Variants in EPHA6 observed in about 807,000 individuals in gnomAD.
EPHA6 encodes the protein ephrin type-A receptor 6.
EPHA6 carries 50 observed loss-of-function variants against 112.0 expected under a neutral mutation model. That is an observed-to-expected ratio of 0.45 (90% CI 0.36 to 0.56). The LOEUF (loss-of-function observed/expected upper bound fraction) is 0.56. Ranked by LOEUF, EPHA6 falls within the 20% of genes least tolerant of loss-of-function variation. The probability of loss-of-function intolerance (pLI) is 0.00; values close to 1 mark genes in which losing one functional copy is unlikely to be tolerated. For missense variants in EPHA6, 1,280 were observed against 1,417.4 expected, an observed-to-expected ratio of 0.90 and a Z score of 1.56; for synonymous variants, 529 against 490.7, an observed-to-expected ratio of 1.08 and a Z score of -1.03.
intron 14 of EPHA6, among the ~76,000 whole-genome samples, chr3:97,664,527 G>A (rs13094475): frequency 0.35 from 53,868 of 151,768 alleles, 9,736 homozygotes; most frequent in African/African-American, 0.42. Context: ...GAGGAAGTCA[G>A]ATTGTCCCTG....
intron 3 of EPHA6, among the ~76,000 whole-genome samples, chr3:97,059,837 G>A (rs2045962878): frequency 6.6e-6 from 1 of 151,870 alleles, no homozygotes; most frequent in Admixed American, 6.6e-5. Flanking sequence ...AGAGCTAATG[G>A]CTGGGCGCAG....
At chr3:96,817,198 ATTAC>A (rs538135096) in intron 1 of EPHA6, among the ~76,000 whole-genome samples, 27 of 152,080 alleles carry the variant, frequency 1.8e-4, no homozygotes, top group African/African-American at 4.8e-4. Context: ...GACACAAATT[ATTAC>A]TTATAAAATG....
At position 97,640,666 on chromosome 3, in the gene EPHA6, G is replaced by C. The variant is rs577164129; in HGVS notation, c.2784+2584G>C. 3.9e-5 allele frequency among the ~76,000 whole-genome samples: 6 copies of C among 152,142 alleles called. No homozygotes were observed. The South Asian group carries it at 1.2e-3, about 32-fold the overall frequency. ...GTGGTGGCGCATGCCTGTAATCCTG[G>C]CTACTCGGCAGGCTGAGGCAGGAGA... is the stretch of plus-strand genomic sequence containing the variant. On this transcript the variant is annotated intron_variant, in intron 14 of 17. Transcript: ENST00000389672.
chr3:97,540,059 G>A (rs1298893409), intron 11 of EPHA6, among the ~76,000 whole-genome samples: 1 of 152,106 alleles, frequency 6.6e-6, no homozygotes, highest in Admixed American at 6.5e-5. Context: ...GGGAAAACTG[G>A]GAGGCAGCAG....
chr3:97,412,906 G>A (rs946420265), intron 6 of EPHA6, among the ~76,000 whole-genome samples: 7 of 151,890 alleles, frequency 4.6e-5, no homozygotes, highest in African/African-American at 1.7e-4. Flanking sequence ...ATCTGCAATG[G>A]TAAATTATCA....
At chr3:97,263,436 T>TACGCACAC (rs367862169) in intron 5 of EPHA6, among the ~76,000 whole-genome samples, 7 of 142,242 alleles carry the variant, frequency 4.9e-5, no homozygotes, top group African/African-American at 1.5e-4. Context: ...ATTAAAGGGA[T>TACGCACAC]ACACACACAC....
intron 5 of EPHA6, among the ~76,000 whole-genome samples, chr3:97,246,705 A>G (rs1370181912): frequency 6.6e-6 from 1 of 151,884 alleles, no homozygotes; most frequent in African/African-American, 2.4e-5. Context: ...TAAACCAACT[A>G]AAATATTGTC....
chr3:97,731,674 A>T (rs1029654436), intron 15 of EPHA6, among the ~76,000 whole-genome samples: 5 of 152,080 alleles, frequency 3.3e-5, no homozygotes, highest in Non-Finnish European at 5.9e-5. Context: ...TACTCAAATA[A>T]TAAAGTATTT....
At chr3:97,252,033 A>C (rs528380795) in intron 5 of EPHA6, among the ~76,000 whole-genome samples, 2 of 152,320 alleles carry the variant, frequency 1.3e-5, no homozygotes, top group Admixed American at 1.3e-4. Flanking sequence ...AAGAACATTT[A>C]ACATAAGTGA....
intron 3 of EPHA6, among the ~76,000 whole-genome samples, chr3:97,188,672 G>A (rs569518687): frequency 5.3e-5 from 8 of 151,896 alleles, no homozygotes; most frequent in Non-Finnish European, 1.0e-4. Flanking sequence ...AGTTATATAA[G>A]TAATGGTAAA....
intron 3 of EPHA6, among the ~76,000 whole-genome samples, chr3:97,121,478 A>T (rs898843706): frequency 1.3e-5 from 2 of 152,186 alleles, no homozygotes; most frequent in Non-Finnish European, 2.9e-5. Context: ...TCTCACTCAC[A>T]TGTCACTTTG....
At chr3:97,544,719 C>T (rs541833300) in intron 11 of EPHA6, among the ~76,000 whole-genome samples, 1 of 152,220 alleles carries the variant, frequency 6.6e-6, no homozygotes, top group South Asian at 2.1e-4. Flanking sequence ...TCCATCTGGT[C>T]CTGGACTTTT....
chr3:97,442,625 A>G (rs149462313), intron 6 of EPHA6, among the ~76,000 whole-genome samples: 34 of 152,282 alleles, frequency 2.2e-4, no homozygotes, highest in Non-Finnish European at 3.5e-4. Flanking sequence ...CGTATTAAAT[A>G]TACAGAAGTC....
At chr3:97,544,024 A>C (rs990616120) in intron 11 of EPHA6, among the ~76,000 whole-genome samples, 3 of 152,246 alleles carry the variant, frequency 2.0e-5, no homozygotes, top group African/African-American at 7.2e-5. Context: ...ATATACAATC[A>C]TGTCATCTGC....
chr3:97,177,597 T>C, intron 3 of EPHA6, among the ~76,000 whole-genome samples: 1 of 152,008 alleles, frequency 6.6e-6, no homozygotes, highest in Non-Finnish European at 1.5e-5. Flanking sequence ...TGATATCTTT[T>C]TGCTGATTCA....
chr3:97,218,009 G>T (rs60612934), intron 3 of EPHA6, among the ~76,000 whole-genome samples: 1,924 of 152,238 alleles, frequency 0.013, 45 homozygotes, highest in African/African-American at 0.043. Flanking sequence ...AGATGCTTAT[G>T]CCTGTAGTCT....
At chr3:97,730,925 G>A (rs958479733) in intron 15 of EPHA6, among the ~76,000 whole-genome samples, 5 of 152,068 alleles carry the variant, frequency 3.3e-5, no homozygotes, top group South Asian at 4.1e-4. Context: ...AGGGTAAAAC[G>A]GAACACAGCA....
In EPHA6 at chr3:97,749,432, TTTTATTTA is replaced by T. The variant is rs747450993; in HGVS notation, c.*747_*754del. Among the ~76,000 whole-genome samples the T allele has an allele frequency of 6.6e-6, 1 of 152,104 alleles. No individual in the cohort carries two copies. Among genetic ancestry groups the T allele is most frequent in the Non-Finnish European group, 1.5e-5 (1 of 68,014 alleles). Reference sequence around the variant, plus strand: ...TAGTTTAAAGGCTTTTCACCTCTAATTTTATTTATTTATTTATTTATTTTTACTAACCG... The same window carrying T: ...TAGTTTAAAGGCTTTTCACCTCTAATTTTATTTATTTATTTTTACTAACCG... On this transcript the variant is annotated 3_prime_UTR_variant, in exon 18 of 18. Transcript: ENST00000389672.
chr3:97,013,664 T>A (rs537204069), intron 3 of EPHA6, among the ~76,000 whole-genome samples: 7 of 152,312 alleles, frequency 4.6e-5, no homozygotes, highest in African/African-American at 1.7e-4. Flanking sequence ...ATACTTAGCT[T>A]ATTATGTTAT....
Sources: allele counts gnomAD v4.1 joint callset (sites outside exome capture counted in the v4.1 genomes callset), GRCh38; gene constraint gnomAD v4.1.1; transcripts MANE v1.5; gene names NCBI Gene and HGNC (gene_info 2026-07-23, HGNC 2026-07-21).